CNBD1: variants seen among roughly 807,000 people sequenced by gnomAD.
CNBD1 encodes the protein cyclic nucleotide binding domain containing 1.
CNBD1 carries 71 observed loss-of-function variants against 54.4 expected under a neutral mutation model. The observed-to-expected ratio is 1.30, with a 90% CI of 1.08 to 1.59. The LOEUF is 1.59. CNBD1 is among the 40% of genes most tolerant of loss of function. CNBD1 has a pLI of 0.00. For missense variants in CNBD1, 659 were observed against 518.0 expected (o/e 1.27, Z -2.64); for synonymous variants, 182 against 170.7 (o/e 1.07, Z -0.51).
intron 10 of CNBD1, among the ~76,000 whole-genome samples, chr8:87,377,021 C>CT (rs566160843): frequency 1.6e-3 from 211 of 128,132 alleles, no homozygotes; most frequent in Non-Finnish European, 2.2e-3. Flanking sequence ...TATTTTTTTT[C>CT]TTTTTTTTTT....
At chr8:87,246,169 G>A (rs1164434921) in intron 6 of CNBD1, among the ~76,000 whole-genome samples, 2 of 151,980 alleles carry the variant, frequency 1.3e-5, no homozygotes, top group Admixed American at 6.6e-5. Context: ...GAAAAGATGA[G>A]GCAAGCCTGG....
intron 2 of CNBD1, among the ~76,000 whole-genome samples, chr8:87,394,348 A>G (rs1438637746): frequency 1.3e-5 from 2 of 151,934 alleles, no homozygotes; most frequent in African/African-American, 4.8e-5. Flanking sequence ...GTTCAACTTC[A>G]CATATATTCA....
intron 4 of CNBD1, among the ~76,000 whole-genome samples, chr8:87,170,284 T>C (rs895897409): frequency 6.6e-6 from 1 of 152,022 alleles, no homozygotes; most frequent in African/African-American, 2.4e-5. Flanking sequence ...TAAATTTGTT[T>C]ATCAGTTCTA....
intron 8 of CNBD1, among the ~76,000 whole-genome samples, chr8:87,303,390 G>C (rs1381328824): frequency 6.6e-6 from 1 of 151,862 alleles, no homozygotes; most frequent in Non-Finnish European, 1.5e-5. Context: ...ATGGGGAAAG[G>C]ATTCCCTATT....
intron 8 of CNBD1, among the ~76,000 whole-genome samples, chr8:87,341,692 CT>C (rs1489741065): frequency 6.6e-6 from 1 of 152,192 alleles, no homozygotes; most frequent in Non-Finnish European, 1.5e-5. Flanking sequence ...TCCTTTTGCT[CT>C]GATCTCTTGT....
At chr8:87,334,109 G>A (rs1024893262) in intron 8 of CNBD1, among the ~76,000 whole-genome samples, 22 of 152,020 alleles carry the variant, frequency 1.4e-4, no homozygotes, top group Admixed American at 7.2e-4. Flanking sequence ...TTTAGTCTTG[G>A]GAGGGTGTAT....
intron 6 of CNBD1, among the ~76,000 whole-genome samples, chr8:87,278,469 G>C (rs997631700): frequency 6.6e-6 from 1 of 151,438 alleles, no homozygotes; most frequent in Admixed American, 6.6e-5. Context: ...TAATGAACTC[G>C]TAACAAATAA....
At chr8:87,008,615 A>C (rs1809152038) in intron 4 of CNBD1, among the ~76,000 whole-genome samples, 1 of 152,162 alleles carries the variant, frequency 6.6e-6, no homozygotes, top group African/African-American at 2.4e-5. Context: ...GCTACAGCTA[A>C]AAGTCTGAGA....
intron 10 of CNBD1, among the ~76,000 whole-genome samples, chr8:87,374,717 A>C (rs111304605): frequency 2.1e-4 from 32 of 151,862 alleles, no homozygotes; most frequent in African/African-American, 6.3e-4. Flanking sequence ...CCATGATCTC[A>C]CTCACTGTCT....
chr8:87,404,794 A>T (rs2130980172), intron 2 of CNBD1, among the ~76,000 whole-genome samples: 1 of 151,906 alleles, frequency 6.6e-6, no homozygotes, highest in African/African-American at 2.4e-5. Flanking sequence ...ATCTTCTGCT[A>T]CTAGTCAGTC....
chr8:86,944,485 C>T (rs1185385252), intron 4 of CNBD1, among the ~76,000 whole-genome samples: 1 of 152,072 alleles, frequency 6.6e-6, no homozygotes, highest in Non-Finnish European at 1.5e-5. Flanking sequence ...TTTTATGAAA[C>T]AGGAGAAAGA....
chr8:86,932,388 A>G (rs1033592597), intron 3 of CNBD1, among the ~76,000 whole-genome samples: 1 of 151,834 alleles, frequency 6.6e-6, no homozygotes, highest in South Asian at 2.1e-4. Context: ...TCCCTTGGAG[A>G]TTTCTTTGCT....
intron 1 of CNBD1, 47 bp from the exon 2 acceptor site, chr8:86,887,495 A>G (rs1808698304): frequency 8.1e-7 from 1 of 1,228,412 alleles, no homozygotes; most frequent in Non-Finnish European, 1.2e-6. Flanking sequence ...CACTTGCTTA[A>G]TAAGATTATG....
intron 4 of CNBD1, among the ~76,000 whole-genome samples, chr8:87,171,743 A>G (rs1281835531): frequency 6.6e-6 from 1 of 151,748 alleles, no homozygotes; most frequent in Non-Finnish European, 1.5e-5. Context: ...GGTTCAAGCA[A>G]TTCTCTGCCT....
At chr8:87,425,316 C>A (rs1322339067) in intron 2 of CNBD1, among the ~76,000 whole-genome samples, 1 of 152,192 alleles carries the variant, frequency 6.6e-6, no homozygotes, top group East Asian at 1.9e-4. Flanking sequence ...CTTCTTCTGT[C>A]AGCTCGTCAG....
chr8:87,225,776 C>T (rs1273335125), intron 5 of CNBD1, among the ~76,000 whole-genome samples: 1 of 149,736 alleles, frequency 6.7e-6, no homozygotes, highest in Non-Finnish European at 1.5e-5. Flanking sequence ...GGGAGGATTC[C>T]CTCTTTTTCT....
intron 2 of CNBD1, among the ~76,000 whole-genome samples, chr8:86,899,884 C>A (rs1431608942): frequency 6.6e-6 from 1 of 152,154 alleles, no homozygotes; most frequent in African/African-American, 2.4e-5. Context: ...GCTGGGCTCC[C>A]CTCCTTGTTC....
At chr8:87,299,836 G>A (rs1056109858) in intron 8 of CNBD1, among the ~76,000 whole-genome samples, 2 of 152,142 alleles carry the variant, frequency 1.3e-5, no homozygotes, top group African/African-American at 4.8e-5. Flanking sequence ...ACACCCTGCA[G>A]CCAGGTGTCC....
At chr8:87,139,853 C>T (rs1812336603) in intron 4 of CNBD1, among the ~76,000 whole-genome samples, 1 of 152,138 alleles carries the variant, frequency 6.6e-6, no homozygotes, top group Non-Finnish European at 1.5e-5. Flanking sequence ...GGAAACTGTG[C>T]AGCTTTAACT....
Sources: allele counts gnomAD v4.1 joint callset (sites outside exome capture counted in the v4.1 genomes callset), GRCh38; gene constraint gnomAD v4.1.1; transcripts MANE v1.5; gene names NCBI Gene and HGNC (gene_info 2026-07-23, HGNC 2026-07-21).